The following SLC35F1 variants were observed in gnomAD, a reference collection of about 807,000 sequenced individuals.
SLC35F1 encodes the protein chromosome 6 open reading frame 169.
SLC35F1 carries 14 observed loss-of-function variants against 48.7 expected under a neutral mutation model. The observed-to-expected ratio is 0.29, with a 90% CI of 0.19 to 0.45. The LOEUF (loss-of-function observed/expected upper bound fraction) is 0.45, where lower values mean the gene tolerates loss of function less well. Ranked by LOEUF, SLC35F1 falls within the 20% of genes least tolerant of loss-of-function variation. SLC35F1 has a pLI of 1.00. For missense variants in SLC35F1, 404 were observed against 500.0 expected, an observed-to-expected ratio of 0.81 and a Z score of 1.83; for synonymous variants, 190 against 202.2, an observed-to-expected ratio of 0.94 and a Z score of 0.51.
At chr6:118,286,188 C>T (rs1776046937) in intron 7 of SLC35F1, among the ~76,000 whole-genome samples, 1 of 152,118 alleles carries the variant, frequency 6.6e-6, no homozygotes, top group Non-Finnish European at 1.5e-5. Flanking sequence ...TAAGACCAAA[C>T]TTGGATAGCT....
intron 1 of SLC35F1, among the ~76,000 whole-genome samples, chr6:118,001,602 G>C (rs930605453): frequency 6.6e-6 from 1 of 151,782 alleles, no homozygotes; most frequent in Non-Finnish European, 1.5e-5. Flanking sequence ...TGACAAATGG[G>C]ATCTAATTAA....
intron 1 of SLC35F1, among the ~76,000 whole-genome samples, chr6:117,989,091 C>A (rs898053354): frequency 6.6e-6 from 1 of 152,120 alleles, no homozygotes; most frequent in Non-Finnish European, 1.5e-5. Flanking sequence ...TCGGATGATT[C>A]GTAGTCAGTG....
At chr6:118,044,540 G>T (rs1449182290) in intron 1 of SLC35F1, among the ~76,000 whole-genome samples, 1 of 152,126 alleles carries the variant, frequency 6.6e-6, no homozygotes, top group Non-Finnish European at 1.5e-5. Context: ...TGACTGGGAG[G>T]CCCTGGCAGT....
chr6:118,125,339 A>G (rs1773608233), intron 1 of SLC35F1, among the ~76,000 whole-genome samples: 2 of 142,988 alleles, frequency 1.4e-5, no homozygotes, highest in Admixed American at 7.4e-5. Context: ...CATAGACAAA[A>G]TTGTGAACGC....
intron 1 of SLC35F1, among the ~76,000 whole-genome samples, chr6:118,070,988 C>A (rs1772700659): frequency 2.3e-5 from 3 of 133,108 alleles, no homozygotes; most frequent in Non-Finnish European, 3.2e-5. Context: ...TATATATATT[C>A]TACGTGTGTG....
chr6:118,309,485 A>G (rs1246071575), intron 7 of SLC35F1, among the ~76,000 whole-genome samples: 1 of 152,188 alleles, frequency 6.6e-6, no homozygotes, highest in Non-Finnish European at 1.5e-5. Context: ...GCTGAAACCC[A>G]GAGTCCACTT....
At chr6:118,086,332 G>C (rs1462030168) in intron 1 of SLC35F1, among the ~76,000 whole-genome samples, 1 of 152,138 alleles carries the variant, frequency 6.6e-6, no homozygotes, top group Non-Finnish European at 1.5e-5. Context: ...TCCACTTTCT[G>C]TGCTTTCTCA....
intron 1 of SLC35F1, among the ~76,000 whole-genome samples, chr6:117,968,669 T>G (rs1776602154): frequency 6.6e-6 from 1 of 152,162 alleles, no homozygotes; most frequent in Non-Finnish European, 1.5e-5. Flanking sequence ...CAATCTTTGG[T>G]ATGTTTAAAG....
At chr6:117,993,611 C>T (rs750394479) in intron 1 of SLC35F1, among the ~76,000 whole-genome samples, 2 of 152,042 alleles carry the variant, frequency 1.3e-5, no homozygotes, top group Non-Finnish European at 2.9e-5. Flanking sequence ...CTGTATTCCC[C>T]GAGAACAACT....
At chr6:118,041,385 T>G (rs1029177604) in intron 1 of SLC35F1, among the ~76,000 whole-genome samples, 2 of 152,174 alleles carry the variant, frequency 1.3e-5, no homozygotes, top group Non-Finnish European at 2.9e-5. Flanking sequence ...CCTATAAAAT[T>G]TAGTTCAGAG....
intron 1 of SLC35F1, among the ~76,000 whole-genome samples, chr6:117,929,489 A>G (rs377668439): frequency 1.5e-4 from 14 of 95,990 alleles, no homozygotes; most frequent in Admixed American, 4.6e-4. Flanking sequence ...GTGTGTGTGT[A>G]TAGAGAGAGA....
intron 1 of SLC35F1, among the ~76,000 whole-genome samples, chr6:117,979,965 C>T (rs1026823511): frequency 2.0e-5 from 3 of 152,096 alleles, no homozygotes; most frequent in African/African-American, 7.2e-5. Context: ...AATTTTTTTC[C>T]CTTTACTGTA....
intron 7 of SLC35F1, among the ~76,000 whole-genome samples, chr6:118,297,637 TA>T (rs1198340632): frequency 5.6e-5 from 6 of 107,076 alleles, no homozygotes; most frequent in African/African-American, 2.2e-4. Context: ...TATATATATA[TA>T]AAAAATATAT....
chr6:118,234,618 G>A lies in SLC35F1; in HGVS notation c.350-891G>A, dbSNP rs73766502. Reference sequence around the variant, plus strand: ...CTGGTTCTTGACCCACAAAAACTGCGAGATAATCAGTATTTCTTGTTTTAA... The same window carrying A: ...CTGGTTCTTGACCCACAAAAACTGCAAGATAATCAGTATTTCTTGTTTTAA... On this transcript the variant is annotated intron_variant, in intron 2 of 7. Transcript: ENST00000360388. Among the ~76,000 whole-genome samples the A allele has an allele frequency of 9.5e-3, 1,453 of 152,266 alleles. 25 individuals carry two copies. The highest frequency in any genetic ancestry group is 0.034 in the African/African-American group (1,401 of 41,544).
At chr6:118,275,975 T>C (rs1775913533) in intron 5 of SLC35F1, among the ~76,000 whole-genome samples, 1 of 152,210 alleles carries the variant, frequency 6.6e-6, no homozygotes. Flanking sequence ...AGGAACATTC[T>C]GTCTACTAGT....
At chr6:117,944,544 C>G (rs1218047079) in intron 1 of SLC35F1, among the ~76,000 whole-genome samples, 1 of 151,198 alleles carries the variant, frequency 6.6e-6, no homozygotes, top group East Asian at 1.9e-4. Context: ...GAAAAGCTTT[C>G]AAGTTTGTTT....
At chr6:118,252,386 A>G (rs1471802213) in intron 3 of SLC35F1, among the ~76,000 whole-genome samples, 1 of 152,116 alleles carries the variant, frequency 6.6e-6, no homozygotes, top group African/African-American at 2.4e-5. Flanking sequence ...GGGAAGTTGG[A>G]AAGAAAAGAA....
intron 1 of SLC35F1, among the ~76,000 whole-genome samples, chr6:117,992,933 C>G (rs1776938328): frequency 1.3e-5 from 2 of 152,214 alleles, no homozygotes; most frequent in African/African-American, 4.8e-5. Context: ...TCAAATCACA[C>G]CATAATGATG....
At chr6:118,050,183 G>A (rs1213173579) in intron 1 of SLC35F1, among the ~76,000 whole-genome samples, 1 of 152,010 alleles carries the variant, frequency 6.6e-6, no homozygotes, top group Non-Finnish European at 1.5e-5. Flanking sequence ...CTTGGACACA[G>A]GAAGGGGAAC....
Sources: gnomAD v4.1 joint callset for allele counts (sites outside exome capture counted in the v4.1 genomes callset) on GRCh38, gnomAD v4.1.1 for gene constraint, MANE v1.5 for transcripts, NCBI Gene and HGNC (gene_info 2026-07-23, HGNC 2026-07-21) for gene names.